The following EYS variants were observed in gnomAD, a reference collection of about 807,000 sequenced individuals.
EYS encodes the protein protein eyes shut homolog.
Under a neutral mutation model 282.1 loss-of-function variants are expected in EYS, and 250 were observed. The observed-to-expected ratio is 0.89, with a 90% confidence interval of 0.80 to 0.98. EYS has a LOEUF of 0.98. EYS is among the 50% of genes least tolerant of loss of function. The probability of loss-of-function intolerance (pLI) is 0.00; values close to 1 mark genes in which losing one functional copy is unlikely to be tolerated. For missense variants in EYS, 4,016 were observed against 3,709.0 expected, an observed-to-expected ratio of 1.08 and a Z score of -2.15; for synonymous variants, 1,355 against 1,282.9, an observed-to-expected ratio of 1.06 and a Z score of -1.20.
At position 65,076,683 on chromosome 6, in the gene EYS, TACACAC is replaced by T. The variant is rs36094243; in HGVS notation, c.2024-18962_2024-18957del. On this transcript the variant is annotated intron_variant, in intron 12 of 42. Coordinates refer to ENST00000503581, the MANE Select transcript of EYS (RefSeq NM_001142800.2). ...GCATAAATATATACACATAAATATA[TACACAC>T]ACACACACACACACACATACATATA... Among the ~76,000 whole-genome samples the T allele has an allele frequency of 6.7e-4, 100 of 149,500 alleles. 1 individual carries two copies. The highest frequency in any genetic ancestry group is 6.8e-4 in the Non-Finnish European group (46 of 67,206).
intron 22 of EYS, among the ~76,000 whole-genome samples, chr6:64,732,164 T>A (rs567716855): frequency 2.0e-5 from 3 of 151,604 alleles, no homozygotes; most frequent in Admixed American, 6.6e-5. Flanking sequence ...CCTGTCGGGG[T>A]TGGGGGGCAA....
At chr6:65,439,448 AT>A (rs1296641649) in intron 5 of EYS, among the ~76,000 whole-genome samples, 2 of 151,906 alleles carry the variant, frequency 1.3e-5, no homozygotes, top group Non-Finnish European at 2.9e-5. Context: ...CAGCATGGCC[AT>A]TTTTCATGAT....
chr6:65,531,145 T>C (rs546850912), intron 2 of EYS, among the ~76,000 whole-genome samples: 2 of 152,266 alleles, frequency 1.3e-5, no homozygotes, highest in South Asian at 4.1e-4. Flanking sequence ...TGATCCATGA[T>C]ACCTTATGAC....
chr6:63,898,600 T>C (rs1231562385), intron 35 of EYS, among the ~76,000 whole-genome samples: 2 of 152,138 alleles, frequency 1.3e-5, no homozygotes, highest in African/African-American at 4.8e-5. Flanking sequence ...AAACAATCTT[T>C]TTCCAAATTC....
intron 22 of EYS, among the ~76,000 whole-genome samples, chr6:64,653,375 A>T (rs1010652542): frequency 2.0e-5 from 3 of 152,128 alleles, no homozygotes; most frequent in African/African-American, 7.2e-5. Flanking sequence ...AGTAATATAG[A>T]TACCTCTATG....
intron 12 of EYS, among the ~76,000 whole-genome samples, chr6:65,279,577 C>T (rs1369842631): frequency 1.3e-5 from 2 of 152,016 alleles, no homozygotes; most frequent in Non-Finnish European, 2.9e-5. Flanking sequence ...CCTAGCCATT[C>T]CCCCAAAATA....
chr6:65,367,223 C>A (rs1026552861), intron 8 of EYS, among the ~76,000 whole-genome samples: 1 of 151,596 alleles, frequency 6.6e-6, no homozygotes, highest in Non-Finnish European at 1.5e-5. Flanking sequence ...AAGTACTGAG[C>A]TTTACCATAT....
intron 39 of EYS, chr6:63,779,440 CGA>C (rs1209758429): frequency 1.4e-5 from 2 of 143,686 alleles, no homozygotes; most frequent in Non-Finnish European, 3.0e-5. Flanking sequence ...GGCAACAGAG[CGA>C]GAGTCTGTTT....
At chr6:65,082,981 T>C (rs538443490) in intron 12 of EYS, among the ~76,000 whole-genome samples, 2 of 152,108 alleles carry the variant, frequency 1.3e-5, no homozygotes, top group African/African-American at 2.4e-5. Flanking sequence ...GGCATATTGA[T>C]AGGCGAAATA....
chr6:65,357,555 T>G (rs1053701082), intron 8 of EYS, among the ~76,000 whole-genome samples: 1 of 152,020 alleles, frequency 6.6e-6, no homozygotes, highest in African/African-American at 2.4e-5. Flanking sequence ...TAGATTCATT[T>G]TGGTTTATTG....
chr6:64,722,543 C>T (rs1391467989), intron 22 of EYS, among the ~76,000 whole-genome samples: 1 of 151,300 alleles, frequency 6.6e-6, no homozygotes, highest in East Asian at 1.9e-4. Context: ...GAAACTAACC[C>T]ATCTGAATCC....
intron 22 of EYS, among the ~76,000 whole-genome samples, chr6:64,669,831 C>A (rs1466930913): frequency 5.9e-5 from 9 of 152,284 alleles, no homozygotes; most frequent in Admixed American, 2.6e-4. Flanking sequence ...GTCAAATTCA[C>A]AAAATGTTCT....
intron 14 of EYS, among the ~76,000 whole-genome samples, chr6:64,990,612 G>T (rs1266491069): frequency 6.6e-6 from 1 of 151,550 alleles, no homozygotes; most frequent in African/African-American, 2.4e-5. Context: ...TCTGGAAAGT[G>T]CTGACTTTTG....
intron 5 of EYS, among the ~76,000 whole-genome samples, chr6:65,413,855 T>TA (rs559660359): frequency 1.2e-4 from 17 of 147,584 alleles, no homozygotes; most frequent in Admixed American, 2.0e-4. Flanking sequence ...GACTTTGTCT[T>TA]AAAAAAAAAA....
At chr6:64,301,491 A>G (rs1769232662) in intron 30 of EYS, among the ~76,000 whole-genome samples, 2 of 152,226 alleles carry the variant, frequency 1.3e-5, no homozygotes, top group Non-Finnish European at 2.9e-5. Context: ...TATGCTTTCT[A>G]GAATGGGTTT....
chr6:65,196,415 C>A (rs1165060813), intron 12 of EYS, among the ~76,000 whole-genome samples: 2 of 151,884 alleles, frequency 1.3e-5, no homozygotes, highest in African/African-American at 4.8e-5. Context: ...TTGAATATGC[C>A]CCGTCCCCCT....
At chr6:65,038,867 T>C (rs998896323) in intron 13 of EYS, among the ~76,000 whole-genome samples, 2 of 151,446 alleles carry the variant, frequency 1.3e-5, no homozygotes, top group Non-Finnish European at 3.0e-5. Flanking sequence ...TCTCCAGTTA[T>C]TTGCACACCG....
At chr6:65,520,012 T>C (rs1383034382) in intron 2 of EYS, among the ~76,000 whole-genome samples, 3 of 150,042 alleles carry the variant, frequency 2.0e-5, no homozygotes, top group African/African-American at 7.3e-5. Flanking sequence ...TTAATTTTAC[T>C]CTTTATAGAT....
intron 5 of EYS, among the ~76,000 whole-genome samples, chr6:65,437,434 G>A (rs1768117635): frequency 6.6e-6 from 1 of 152,080 alleles, no homozygotes. Context: ...GATTTCTTCA[G>A]TATGCAGTTT....
Sources: gnomAD v4.1 joint callset for allele counts (sites outside exome capture counted in the v4.1 genomes callset) on GRCh38, gnomAD v4.1.1 for gene constraint, MANE v1.5 for transcripts, NCBI Gene and HGNC (gene_info 2026-07-23, HGNC 2026-07-21) for gene names.